Variants in DNAJC11 observed in about 807,000 individuals in gnomAD.
The protein encoded by DNAJC11 is dnaJ homolog subfamily C member 11.
In DNAJC11, 15 loss-of-function variants were observed where a neutral mutation model predicts 78.6. The observed-to-expected ratio is 0.19, with a 90% CI of 0.13 to 0.29. The LOEUF (loss-of-function observed/expected upper bound fraction) is 0.29, where lower values mean the gene tolerates loss of function less well. Ranked by LOEUF, DNAJC11 falls within the 10% of genes least tolerant of loss-of-function variation. The pLI is 1.00. For missense variants in DNAJC11, 547 were observed against 709.6 expected (o/e 0.77, Z 2.60); for synonymous variants, 292 against 272.1 (o/e 1.07, Z -0.72).
chr1:6,691,640 G>A (rs1175049398), intron 1 of DNAJC11, among the ~76,000 whole-genome samples: 1 of 152,142 alleles, frequency 6.6e-6, no homozygotes, highest in Non-Finnish European at 1.5e-5. Context: ...TATTGGCTTG[G>A]CATTTTACTG....
intron 4 of DNAJC11, among the ~76,000 whole-genome samples, chr1:6,655,688 C>CGTA (rs1642115807): frequency 6.6e-6 from 1 of 152,052 alleles, no homozygotes; most frequent in Non-Finnish European, 1.5e-5. Flanking sequence ...GCCAGGTACA[C>CGTA]GTCCCAGCTA....
chr1:6,691,066 TTAAG>T (rs1211706509), intron 1 of DNAJC11, among the ~76,000 whole-genome samples: 1 of 151,930 alleles, frequency 6.6e-6, no homozygotes, highest in Non-Finnish European at 1.5e-5. Flanking sequence ...TTTTTGAAAC[TTAAG>T]TGAGTTCTAC....
intron 4 of DNAJC11, among the ~76,000 whole-genome samples, chr1:6,665,927 A>C (rs988870250): frequency 7.2e-5 from 11 of 152,142 alleles, no homozygotes; most frequent in Non-Finnish European, 1.0e-4. Context: ...CCTGGCTGGG[A>C]GATCCAAGCA....
At chr1:6,695,193 C>T (rs1458768841) in intron 1 of DNAJC11, among the ~76,000 whole-genome samples, 1 of 150,804 alleles carries the variant, frequency 6.6e-6, no homozygotes, top group African/African-American at 2.4e-5. Flanking sequence ...TGGAGTCTTG[C>T]TACGTTATGC....
At chr1:6,647,073 G>A (rs906750089) in intron 7 of DNAJC11, among the ~76,000 whole-genome samples, 26 of 142,386 alleles carry the variant, frequency 1.8e-4, no homozygotes, top group Admixed American at 1.6e-3. Context: ...CTTGAGCCTG[G>A]ACAGGTCTTT....
At chr1:6,695,627 TAAAAAAAA>T (rs70984004) in intron 1 of DNAJC11, among the ~76,000 whole-genome samples, 18 of 83,010 alleles carry the variant, frequency 2.2e-4, no homozygotes, top group African/African-American at 5.3e-4. Flanking sequence ...CTATCTCTAC[TAAAAAAAA>T]AAAAAAAAAA....
intron 2 of DNAJC11, 80 bp from the exon 3 acceptor site, chr1:6,678,547 T>C: frequency 1.8e-6 from 2 of 1,124,856 alleles, no homozygotes; most frequent in Non-Finnish European, 2.6e-6. Context: ...CATCATTAGG[T>C]AAGCCCATCT....
chr1:6,662,731 A>G (rs1188758278), intron 4 of DNAJC11, among the ~76,000 whole-genome samples: 1 of 152,148 alleles, frequency 6.6e-6, no homozygotes, highest in Non-Finnish European at 1.5e-5. Flanking sequence ...TAAGTGCACT[A>G]ATCAGCACTC....
chr1:6,634,694 G>A lies in DNAJC11; in HGVS notation c.*981C>T, dbSNP rs964741972. The A allele has an allele frequency of 7.3e-7, 1 of 1,365,892 alleles. No individual in the cohort carries two copies. Among genetic ancestry groups the A allele is most frequent in the African/African-American group, 1.5e-5 (1 of 67,752 alleles). 84.6% of individuals were successfully genotyped at this position (1,365,892 alleles called of 1,614,324 possible). On this transcript the variant is annotated 3_prime_UTR_variant, in exon 16 of 16. Transcript: ENST00000377577. The stretch of plus-strand genomic sequence containing the variant: ...ATTCTGCATCCCAAGTGGGCACGTG[G>A]AGGAAGGGTCTGAAGGAAGGCTCCG...
chr1:6,692,991 C>T (rs1486522424), intron 1 of DNAJC11, among the ~76,000 whole-genome samples: 4 of 152,008 alleles, frequency 2.6e-5, no homozygotes, highest in South Asian at 2.1e-4. Flanking sequence ...CTGCAACCTC[C>T]GCCTCCTGGG....
At chr1:6,665,271 A>G (rs915901619) in intron 4 of DNAJC11, among the ~76,000 whole-genome samples, 1 of 152,086 alleles carries the variant, frequency 6.6e-6, no homozygotes, top group Non-Finnish European at 1.5e-5. Context: ...GTCTTGTTAT[A>G]TTGCACAGGC....
chr1:6,643,095 C>T (rs991217107), intron 10 of DNAJC11, among the ~76,000 whole-genome samples: 8 of 152,042 alleles, frequency 5.3e-5, no homozygotes, highest in African/African-American at 1.9e-4. Context: ...GAACGGCCAC[C>T]GCGACAGCAG....
Position 6,645,065 on chromosome 1 carries a change from T to C in DNAJC11, c.956A>G (p.Gln319Arg). The C allele has an allele frequency of 6.2e-7, 1 of 1,614,176 alleles. No homozygotes were observed. Among genetic ancestry groups the C allele is most frequent in the Non-Finnish European group, 8.5e-7 (1 of 1,179,986 alleles). The part of the protein sequence containing the change: ...SYQHKFQDDD[Q>R]TRVKGSLKAG... ...CTTGAGGGATCCTTTCACACGAGTC[T>C]GATCGTCATCTTGGAATTTGTGCTG... The change falls in exon 9 of 16, where the codon CAG becomes CGG. Residue 319 changes from glutamine to arginine, a missense_variant. By Grantham distance (43) the Gln-to-Arg change is conservative. Coordinates refer to ENST00000377577, the MANE Select transcript of DNAJC11 (RefSeq NM_018198.4). This position sits in a 1 kb window ranked among gnomAD's most constrained non-coding sequence, Gnocchi z 4.1.
intron 9 of DNAJC11, 100 bp downstream of exon 9, chr1:6,644,941 A>T: frequency 2.6e-6 from 3 of 1,135,626 alleles, no homozygotes; most frequent in Admixed American, 3.5e-5. Context: ...ACACACACGT[A>T]GATATTCACA....
intron 11 of DNAJC11, 139 bp from the exon 12 acceptor site, chr1:6,638,503 T>C (rs1641822334): frequency 1.5e-6 from 1 of 677,882 alleles, no homozygotes; most frequent in African/African-American, 1.9e-5. Flanking sequence ...CTTTAAAAAA[T>C]ATTCCCACGA....
At chr1:6,668,871 G>A (rs549831955) in intron 3 of DNAJC11, among the ~76,000 whole-genome samples, 1 of 152,196 alleles carries the variant, frequency 6.6e-6, no homozygotes, top group East Asian at 1.9e-4. Context: ...CGGGGACGCA[G>A]AGTAATGTCG....
In DNAJC11 at chr1:6,653,728, T is replaced by A; in HGVS notation, c.507+183A>T. 2.7e-6 allele frequency: 2 copies of A among 736,784 alleles called. No individual in the cohort carries two copies. Among genetic ancestry groups the A allele is most frequent in the Non-Finnish European group, 4.1e-6 (2 of 488,934 alleles). 45.6% of individuals were successfully genotyped at this position (736,784 alleles called of 1,614,324 possible). The stretch of plus-strand genomic sequence containing the variant: ...CAGCCCACACTCCTGCTGGCTCACA[T>A]GCCAGCACAGCGGTAACACACGGCT... On this transcript the variant is annotated intron_variant, in intron 5 of 15. Coordinates refer to ENST00000377577, the MANE Select transcript of DNAJC11 (RefSeq NM_018198.4). The surrounding 1 kb of genome is among the most constrained non-coding windows in gnomAD (Gnocchi z 4.5).
intron 6 of DNAJC11, 107 bp from the exon 7 acceptor site, chr1:6,651,709 G>T: frequency 1.2e-6 from 1 of 812,778 alleles, no homozygotes; most frequent in Admixed American, 2.3e-5. Flanking sequence ...CAATTCACTG[G>T]TCTTGCCAGG....
At chr1:6,695,208 C>A (rs1256579828) in intron 1 of DNAJC11, among the ~76,000 whole-genome samples, 1 of 151,514 alleles carries the variant, frequency 6.6e-6, no homozygotes, top group African/African-American at 2.4e-5. Context: ...TTATGCCAAC[C>A]CAGGCTGGTC....
Sources: allele counts gnomAD v4.1 joint callset (sites outside exome capture counted in the v4.1 genomes callset), GRCh38; gene constraint gnomAD v4.1.1; non-coding constraint Gnocchi (gnomAD v3.1); transcripts MANE v1.5; gene names NCBI Gene and HGNC (gene_info 2026-07-23, HGNC 2026-07-21).